Variants in DHRS4 observed in about 807,000 individuals in gnomAD.
The protein encoded by DHRS4 is dehydrogenase/reductase 4.
Under a neutral mutation model 28.4 loss-of-function variants are expected in DHRS4, and 20 were observed. That is an observed-to-expected ratio of 0.71 (90% CI 0.50 to 1.02). DHRS4 has a LOEUF of 1.02. Among genes scored for constraint, DHRS4 ranks in the 50% least tolerant of loss-of-function variants. DHRS4 has a pLI of 0.00. For missense variants in DHRS4, 378 were observed against 367.2 expected (o/e 1.03, Z -0.24); for synonymous variants, 144 against 146.4 (o/e 0.98, Z 0.12).
intron 3 of DHRS4, among the ~76,000 whole-genome samples, chr14:23,964,219 GTAAAAAAAAAAA>G (rs2033524781): frequency 6.3e-5 from 1 of 15,750 alleles, no homozygotes; most frequent in Non-Finnish European, 1.1e-4. Flanking sequence ...ACTGCAATTT[GTAAAAAAAAAAA>G]AAAAAAAAAA....
intron 3 of DHRS4, among the ~76,000 whole-genome samples, chr14:23,963,939 C>G (rs1316919048): frequency 6.6e-6 from 1 of 151,158 alleles, no homozygotes; most frequent in East Asian, 1.9e-4. Context: ...TGGAGGCCCA[C>G]AGAGAGGGAG....
In DHRS4 at chr14:23,965,442, C is replaced by T. The variant is rs1474897142; in HGVS notation, c.409-320C>T. Among the ~76,000 whole-genome samples the T allele has an allele frequency of 2.1e-4, 22 of 103,964 alleles. 1 individual carries two copies. Among genetic ancestry groups the T allele is most frequent in the Non-Finnish European group, 3.4e-4 (19 of 55,612 alleles). 68.2% of individuals were successfully genotyped at this position (103,964 alleles called of 152,430 possible). ...GGCTGACAATTCCAGGCTCTACCTA[C>T]TTGGAAGAAACAGAGAAAACACAGC... On this transcript the variant is annotated intron_variant, in intron 3 of 7. Transcript: ENST00000313250.
At chr14:23,956,061 C>T (rs1313851826) in intron 2 of DHRS4, among the ~76,000 whole-genome samples, 1 of 152,198 alleles carries the variant, frequency 6.6e-6, no homozygotes, top group Non-Finnish European at 1.5e-5. Context: ...GGATCTTAAG[C>T]AATAGTAGAC....
In DHRS4 at chr14:23,966,362, A is replaced by G. The variant is rs1341848573; in HGVS notation, c.611A>G (p.Asn204Ser). 20 of 1,613,946 alleles carry G rather than the reference A, an allele frequency of 1.2e-5. No individual in the cohort carries two copies. Among genetic ancestry groups the G allele is most frequent in the Non-Finnish European group, 1.6e-5 (19 of 1,180,030 alleles). The change falls in exon 6 of 8, where the codon AAC becomes AGC. Residue 204 changes from asparagine to serine, a missense_variant. By Grantham distance (46) the Asn-to-Ser change is conservative. Transcript: ENST00000313250. ...CTGGCCATAGAGCTGGCCCCAAGGA[A>G]CATTAGGGTGAACTGCCTAGCACCT... ...KTLAIELAPR[N>S]IRVNCLAPGL...
At chr14:23,956,024 A>T (rs2033127290) in intron 2 of DHRS4, among the ~76,000 whole-genome samples, 1 of 152,186 alleles carries the variant, frequency 6.6e-6, no homozygotes, top group Admixed American at 6.5e-5. Flanking sequence ...GGTTGGCAGA[A>T]ATAATTTGCA....
At position 23,955,147 on chromosome 14, in the gene DHRS4, C is replaced by A; in HGVS notation, c.241C>A (p.Leu81Met). 6.2e-7 allele frequency: 1 copy of A among 1,613,918 alleles called. No homozygotes were observed. Among genetic ancestry groups the A allele is most frequent in the Non-Finnish European group, 8.5e-7 (1 of 1,179,878 alleles). ...QAVATLQGEGLSVTGTVCHVG... is the reference protein window; with the variant it reads ...QAVATLQGEGMSVTGTVCHVG... ...GGTGGCCACGCTGCAGGGGGAGGGG[C>A]TGAGCGTGACGGGCACCGTGTGCCA... Residue 81 changes from leucine (L) to methionine (M), a missense_variant, in exon 2 of 8, where the codon CTG becomes ATG. Coordinates refer to ENST00000313250, the MANE Select transcript of DHRS4 (RefSeq NM_021004.4).
At chr14:23,964,889 T>C in intron 3 of DHRS4, among the ~76,000 whole-genome samples, 1 of 151,526 alleles carries the variant, frequency 6.6e-6, no homozygotes, top group Middle Eastern at 3.4e-3. Context: ...GAGTTTGTTT[T>C]TTTTTTTTAA....
chr14:23,964,947 T>C (rs2033564268), intron 3 of DHRS4, among the ~76,000 whole-genome samples: 1 of 150,854 alleles, frequency 6.6e-6, no homozygotes, highest in African/African-American at 2.4e-5. Flanking sequence ...TTTTATTATA[T>C]AAAATCTTTC....
intron 2 of DHRS4, among the ~76,000 whole-genome samples, chr14:23,959,561 A>G (rs2033319558): frequency 1.3e-5 from 2 of 152,184 alleles, no homozygotes; most frequent in South Asian, 4.1e-4. Flanking sequence ...CCGTCTAAAA[A>G]AGAAAGAAGC....
At chr14:23,964,220 T>TAAAAAAAAAAAAAAAAA (rs71119059) in intron 3 of DHRS4, among the ~76,000 whole-genome samples, 1 of 34,502 alleles carries the variant, frequency 2.9e-5, no homozygotes, top group African/African-American at 9.3e-5. Flanking sequence ...CTGCAATTTG[T>TAAAAAAAAAAAAAAAAA]AAAAAAAAAA....
chr14:23,954,071 C>T, intron 1 of DHRS4, 155 bp downstream of exon 1: 1 of 1,238,258 alleles, frequency 8.1e-7, no homozygotes, highest in Non-Finnish European at 1.1e-6. Context: ...CCTGAAGCCA[C>T]TCCGAATCCC....
chr14:23,953,823 G>T lies in DHRS4; in HGVS notation c.35G>T (p.Arg12Leu). 1 of 1,614,110 alleles carries T rather than the reference G, an allele frequency of 6.2e-7. No homozygotes were observed. The highest frequency in any genetic ancestry group is 8.5e-7 in the Non-Finnish European group (1 of 1,179,978). The stretch of plus-strand genomic sequence containing the variant: ...GCGGGGCTGCTAGGCCTCTGTGCCC[G>T]GGCTTGGAATTCGGTGCGGATGGCC... ...HKAGLLGLCARAWNSVRMASS... is the reference protein window; with the variant it reads ...HKAGLLGLCALAWNSVRMASS... The change falls in exon 1 of 8, where the codon CGG becomes CTG. Residue 12 changes from arginine (R) to leucine (L), a missense_variant. Arg to Leu is a moderately radical substitution (Grantham distance 102, BLOSUM62 -2). Transcript: ENST00000313250.
intron 3 of DHRS4, among the ~76,000 whole-genome samples, chr14:23,964,220 TAAAAAAAAAAAA>T (rs71119059): frequency 0.073 from 2,513 of 34,610 alleles, 103 homozygotes; most frequent in Middle Eastern, 0.31. Context: ...CTGCAATTTG[TAAAAAAAAAAAA>T]AAAAAAAAAA....
At chr14:23,961,161 C>A (rs1194446738) in intron 3 of DHRS4, among the ~76,000 whole-genome samples, 2 of 151,134 alleles carry the variant, frequency 1.3e-5, no homozygotes, top group Non-Finnish European at 2.9e-5. Context: ...AACTTACCAA[C>A]TATATCAGAT....
At chr14:23,957,968 C>G (rs888724155) in intron 2 of DHRS4, among the ~76,000 whole-genome samples, 1 of 151,360 alleles carries the variant, frequency 6.6e-6, no homozygotes, top group Non-Finnish European at 1.5e-5. Context: ...TAGAAAATGT[C>G]TCCAGGTGAT....
At chr14:23,954,008 A>G (rs1294653045) in intron 1 of DHRS4, 92 bp downstream of exon 1, 7 of 1,509,490 alleles carry the variant, frequency 4.6e-6, no homozygotes, top group Non-Finnish European at 6.2e-6. Flanking sequence ...CTGTCCTCAG[A>G]CCTTACACGC....
chr14:23,958,037 C>T (rs2033246142), intron 2 of DHRS4, among the ~76,000 whole-genome samples: 1 of 151,978 alleles, frequency 6.6e-6, no homozygotes. Context: ...GCACGGCGCA[C>T]ATCACTTATT....
At chr14:23,959,842 G>T in intron 2 of DHRS4, 60 bp from the exon 3 acceptor site, 2 of 1,577,216 alleles carry the variant, frequency 1.3e-6, no homozygotes, top group Non-Finnish European at 1.7e-6. Flanking sequence ...TTATCAACAT[G>T]GGTAAATGCA....
Position 23,968,961 on chromosome 14 carries a change from A to G in DHRS4, c.*90A>G. The G allele has an allele frequency of 6.6e-7, 1 of 1,520,502 alleles. No homozygotes were observed. Among genetic ancestry groups the G allele is most frequent in the Non-Finnish European group, 8.8e-7 (1 of 1,131,426 alleles). The allele number at this position is 1,520,502 out of a possible 1,614,324, so 94.2% of individuals were successfully genotyped here. A position where few individuals can be genotyped will look rare whatever the true frequency, so the allele number is the denominator to read the frequency against. ...CCACTGGCCTTTCCCACCTCTGCTCACCTTACTGTTCACCTCATCAAATCA... is the reference window on the plus strand; with the variant it reads ...CCACTGGCCTTTCCCACCTCTGCTCGCCTTACTGTTCACCTCATCAAATCA... On this transcript the variant is annotated 3_prime_UTR_variant, in exon 8 of 8. Transcript: ENST00000313250.
Sources: allele counts gnomAD v4.1 joint callset (sites outside exome capture counted in the v4.1 genomes callset), GRCh38; gene constraint gnomAD v4.1.1; transcripts MANE v1.5; gene names NCBI Gene and HGNC (gene_info 2026-07-23, HGNC 2026-07-21).